Variants in PEX7 observed in about 807,000 individuals in gnomAD.
PEX7 encodes peroxisomal biogenesis factor 7.
A neutral mutation model predicts 47.5 loss-of-function variants in PEX7; 34 were observed. The observed-to-expected ratio is 0.72, with a 90% CI of 0.54 to 0.95. The LOEUF is 0.95. Ranked by LOEUF, PEX7 falls within the 40% of genes least tolerant of loss-of-function variation. The probability of loss-of-function intolerance (pLI) is 0.00; values close to 1 mark genes in which losing one functional copy is unlikely to be tolerated. For synonymous variants in PEX7, 141 were observed against 148.8 expected (o/e 0.95, Z 0.38); for missense variants, 394 against 400.3 (o/e 0.98, Z 0.13).
chr6:136,840,875 C>G (rs908074521), intron 3 of PEX7, among the ~76,000 whole-genome samples: 47 of 152,160 alleles, frequency 3.1e-4, no homozygotes, highest in Non-Finnish European at 1.5e-5. Context: ...TAACTGCACT[C>G]AAGTCTCTGC....
intron 8 of PEX7, among the ~76,000 whole-genome samples, chr6:136,880,852 A>G (rs1775364629): frequency 6.6e-6 from 1 of 152,216 alleles, no homozygotes; most frequent in South Asian, 2.1e-4. Flanking sequence ...TGATTCATTC[A>G]ATACAAGCGG....
chr6:136,885,504 T>C (rs897586977), intron 8 of PEX7, among the ~76,000 whole-genome samples: 1 of 152,212 alleles, frequency 6.6e-6, no homozygotes, highest in African/African-American at 2.4e-5. Flanking sequence ...TCAGCAACAT[T>C]AATGTTTCCA....
At chr6:136,830,560 A>G (rs1774275587) in intron 3 of PEX7, among the ~76,000 whole-genome samples, 1 of 152,216 alleles carries the variant, frequency 6.6e-6, no homozygotes, top group African/African-American at 2.4e-5. Flanking sequence ...TGCAGAGGTC[A>G]TTATGTCTTT....
chr6:136,901,940 C>T (rs1014636740), intron 9 of PEX7, among the ~76,000 whole-genome samples: 2 of 152,148 alleles, frequency 1.3e-5, no homozygotes, highest in African/African-American at 4.8e-5. Flanking sequence ...CATGTGCCAC[C>T]ACGCCCAGCT....
intron 8 of PEX7, among the ~76,000 whole-genome samples, chr6:136,893,560 C>A (rs994458596): frequency 1.3e-5 from 2 of 152,210 alleles, no homozygotes; most frequent in African/African-American, 4.8e-5. Context: ...AGGGCTGAGG[C>A]CATGTCTGTC....
At chr6:136,843,876 T>C (rs1660843504) in intron 3 of PEX7, among the ~76,000 whole-genome samples, 1 of 152,140 alleles carries the variant, frequency 6.6e-6, no homozygotes. Flanking sequence ...GGGTAGAATG[T>C]GTGAGGCACT....
chr6:136,860,155 T>G (rs952353241), intron 5 of PEX7, among the ~76,000 whole-genome samples: 2 of 152,118 alleles, frequency 1.3e-5, no homozygotes, highest in Non-Finnish European at 2.9e-5. Context: ...AAAGGCCAGT[T>G]GTCTAGAAAA....
At chr6:136,873,558 G>A (rs1284385342) in intron 8 of PEX7, among the ~76,000 whole-genome samples, 1 of 152,042 alleles carries the variant, frequency 6.6e-6, no homozygotes, top group Non-Finnish European at 1.5e-5. Context: ...CCAGATGTAT[G>A]ATCTTATCAC....
intron 9 of PEX7, among the ~76,000 whole-genome samples, chr6:136,905,288 C>T (rs980293999): frequency 6.6e-6 from 1 of 152,184 alleles, no homozygotes; most frequent in African/African-American, 2.4e-5. Flanking sequence ...CACTTATCCA[C>T]TGTTTTTAGA....
chr6:136,906,956 G>A (rs3799479), intron 9 of PEX7, among the ~76,000 whole-genome samples: 96,163 of 152,020 alleles, frequency 0.63, 31,626 homozygotes, highest in African/African-American at 0.83. Context: ...AGGATTCAGT[G>A]TAATCCGTTT....
chr6:136,913,566 A>G lies in PEX7; in HGVS notation c.*40A>G, dbSNP rs1228836756. The G allele has an allele frequency of 1.6e-6, 2 of 1,248,604 alleles. No homozygotes were observed. Among genetic ancestry groups the G allele is most frequent in the South Asian group, 1.2e-5 (1 of 83,878 alleles). 77.3% of individuals were successfully genotyped at this position (1,248,604 alleles called of 1,614,324 possible). A position where few individuals can be genotyped will look rare whatever the true frequency, so the allele number is the denominator to read the frequency against. ...GTCAGAAACAGAGGATGTTGGCTGAAGAACTGCCTAACAGCAAATAAATTA... is the reference window on the plus strand; with the variant it reads ...GTCAGAAACAGAGGATGTTGGCTGAGGAACTGCCTAACAGCAAATAAATTA... On this transcript the variant is annotated 3_prime_UTR_variant, in exon 10 of 10. Coordinates refer to ENST00000318471, the MANE Select transcript of PEX7 (RefSeq NM_000288.4).
intron 5 of PEX7, among the ~76,000 whole-genome samples, chr6:136,850,917 GTTTTTT>G (rs35220728): frequency 5.8e-5 from 4 of 69,184 alleles, no homozygotes; most frequent in South Asian, 1.4e-3. Flanking sequence ...AAAACTGATG[GTTTTTT>G]TTTTTTTTTT....
At chr6:136,887,374 A>G (rs1189294758) in intron 8 of PEX7, among the ~76,000 whole-genome samples, 1 of 152,200 alleles carries the variant, frequency 6.6e-6, no homozygotes, top group Non-Finnish European at 1.5e-5. Context: ...AGATTTAAAT[A>G]TCAATATATG....
At chr6:136,857,794 A>G (rs1343045727) in intron 5 of PEX7, among the ~76,000 whole-genome samples, 18 of 152,346 alleles carry the variant, frequency 1.2e-4, no homozygotes, top group Admixed American at 9.8e-4. Flanking sequence ...TAGTTAGAAC[A>G]GTGACTGGCA....
At chr6:136,865,732 C>G (rs368783805) in intron 5 of PEX7, among the ~76,000 whole-genome samples, 1 of 152,138 alleles carries the variant, frequency 6.6e-6, no homozygotes, top group Non-Finnish European at 1.5e-5. Flanking sequence ...GAGCTGAGAC[C>G]GTGCCTCCGC....
intron 5 of PEX7, among the ~76,000 whole-genome samples, chr6:136,862,034 TTATATATATTATATA>T (rs547922533): frequency 0.042 from 5,999 of 143,612 alleles, 156 homozygotes; most frequent in African/African-American, 0.073. Flanking sequence ...TATATATATT[TTATATATATTATATA>T]TATATATATT....
intron 8 of PEX7, among the ~76,000 whole-genome samples, chr6:136,891,938 T>C (rs760923235): frequency 5.9e-5 from 9 of 152,186 alleles, no homozygotes; most frequent in Non-Finnish European, 1.2e-4. Context: ...TTCTATTTTT[T>C]AATCCCTTCC....
chr6:136,854,675 A>G (rs1774827534), intron 5 of PEX7, among the ~76,000 whole-genome samples: 2 of 152,148 alleles, frequency 1.3e-5, no homozygotes, highest in Non-Finnish European at 1.5e-5. Context: ...TGTGAATTAG[A>G]TTGACATTAG....
intron 9 of PEX7, among the ~76,000 whole-genome samples, chr6:136,904,309 A>G (rs550516890): frequency 6.6e-6 from 1 of 152,342 alleles, no homozygotes; most frequent in East Asian, 1.9e-4. Context: ...TTACAATGAT[A>G]TAACAAGTCC....
Sources: allele counts gnomAD v4.1 joint callset (sites outside exome capture counted in the v4.1 genomes callset), GRCh38; gene constraint gnomAD v4.1.1; transcripts MANE v1.5; gene names NCBI Gene and HGNC (gene_info 2026-07-23, HGNC 2026-07-21).